The following GLDC variants were observed in gnomAD, a reference collection of about 807,000 sequenced individuals.
GLDC encodes the protein glycine decarboxylase.
Under a neutral mutation model 121.3 loss-of-function variants are expected in GLDC, and 104 were observed. The observed-to-expected ratio is 0.86, with a 90% CI of 0.73 to 1.01. The LOEUF (loss-of-function observed/expected upper bound fraction) is 1.01, where lower values mean the gene tolerates loss of function less well. Among genes scored for constraint, GLDC ranks in the 50% least tolerant of loss-of-function variants. The pLI is 0.00. For missense variants in GLDC, 1,429 were observed against 1,306.6 expected, an observed-to-expected ratio of 1.09 and a Z score of -1.44; for synonymous variants, 546 against 480.6, an observed-to-expected ratio of 1.14 and a Z score of -1.78.
At chr9:6,606,782 TACTG>T in intron 4 of GLDC, 113 bp from the exon 5 acceptor site, 1 of 775,340 alleles carries the variant, frequency 1.3e-6, no homozygotes, top group Non-Finnish European at 2.4e-6. Flanking sequence ...GTATAAAAAA[TACTG>T]AGTAGGCCGG....
rs541121933 is a variant in GLDC at position 6,565,104 on chromosome 9, C to A, written c.1926+250G>T. ...GCTCCCTAGAGAGCAGTTCCACAGC[C>A]AACTGGCTGACGTTTGCATTCTGGG... is the stretch of plus-strand genomic sequence containing the variant. On this transcript the variant is annotated intron_variant, in intron 16 of 24. Coordinates refer to ENST00000321612, the MANE Select transcript of GLDC (RefSeq NM_000170.3). 2.6e-5 allele frequency among the ~76,000 whole-genome samples: 4 copies of A among 152,346 alleles called. No individual in the cohort carries two copies. In the East Asian group the frequency reaches 5.8e-4, roughly 22 times the overall value.
At chr9:6,550,770 C>A (rs759081204) in intron 21 of GLDC, 33 bp downstream of exon 21, 16 of 1,449,654 alleles carry the variant, frequency 1.1e-5, no homozygotes, top group South Asian at 4.6e-5. Context: ...AAGAAAAAAA[C>A]CAAAGTAATG....
At chr9:6,596,190 C>G (rs552608423) in intron 8 of GLDC, among the ~76,000 whole-genome samples, 1 of 152,156 alleles carries the variant, frequency 6.6e-6, no homozygotes. Context: ...AAACAGAAAC[C>G]CAGGCCTGAC....
intron 15 of GLDC, among the ~76,000 whole-genome samples, chr9:6,583,880 C>T (rs1038998237): frequency 6.6e-6 from 1 of 152,006 alleles, no homozygotes; most frequent in Admixed American, 6.6e-5. Context: ...AAAGAGGAAC[C>T]GAAGAGTTAC....
chr9:6,548,716 A>C (rs962234109), intron 21 of GLDC, among the ~76,000 whole-genome samples: 3 of 152,050 alleles, frequency 2.0e-5, no homozygotes, highest in Non-Finnish European at 2.9e-5. Context: ...TGTCTCTCTG[A>C]TCTAAGCTCC....
At chr9:6,613,125 A>C (rs975174761) in intron 3 of GLDC, among the ~76,000 whole-genome samples, 1 of 152,216 alleles carries the variant, frequency 6.6e-6, no homozygotes, top group East Asian at 1.9e-4. Flanking sequence ...GAAACCAGCT[A>C]CCATTCATTA....
intron 3 of GLDC, among the ~76,000 whole-genome samples, chr9:6,616,270 A>C (rs1818965447): frequency 6.6e-6 from 1 of 152,242 alleles, no homozygotes; most frequent in African/African-American, 2.4e-5. Context: ...ATTTATTCAA[A>C]TTAGTTACAT....
intron 3 of GLDC, among the ~76,000 whole-genome samples, chr9:6,612,181 A>G (rs2129923593): frequency 6.8e-6 from 1 of 147,906 alleles, no homozygotes; most frequent in South Asian, 2.1e-4. Context: ...ATACACACAC[A>G]CACACTCACT....
intron 3 of GLDC, among the ~76,000 whole-genome samples, chr9:6,616,619 A>T (rs1290318104): frequency 6.6e-6 from 1 of 152,198 alleles, no homozygotes; most frequent in East Asian, 1.9e-4. Context: ...CAATTAGGTA[A>T]AACATAGTGA....
At chr9:6,624,990 G>GA (rs34197434) in intron 2 of GLDC, among the ~76,000 whole-genome samples, 96 of 143,604 alleles carry the variant, frequency 6.7e-4, no homozygotes, top group Non-Finnish European at 6.9e-4. Context: ...ACTGTCTCCA[G>GA]AAAAAAAAAA....
intron 2 of GLDC, among the ~76,000 whole-genome samples, chr9:6,624,584 G>T (rs919692012): frequency 6.6e-6 from 1 of 152,128 alleles, no homozygotes; most frequent in African/African-American, 2.4e-5. Context: ...AAGCCACCTA[G>T]TTTGTGGTAC....
At chr9:6,639,118 C>CA in intron 2 of GLDC, 2 of 727,052 alleles carry the variant, frequency 2.8e-6, no homozygotes, top group Admixed American at 3.9e-5. Flanking sequence ...GAATTAATGA[C>CA]AAAAACAGAG....
At position 6,633,236 on chromosome 9, in the gene GLDC, C is replaced by T. The variant is rs534346209; in HGVS notation, c.334+11378G>A. Among the ~76,000 whole-genome samples the T allele has an allele frequency of 5.9e-5, 9 of 152,250 alleles. No individual in the cohort carries two copies. In the East Asian group the frequency reaches 1.7e-3, roughly 29 times the overall value. On this transcript the variant is annotated intron_variant, in intron 2 of 24. Transcript: ENST00000321612. ...CCCTGCCTGAAAATATATCCTTCTG[C>T]CTCTGATGACTTCATCTCAGACTGC...
At chr9:6,624,531 T>C (rs1042605785) in intron 2 of GLDC, among the ~76,000 whole-genome samples, 3 of 152,208 alleles carry the variant, frequency 2.0e-5, no homozygotes, top group Non-Finnish European at 4.4e-5. Flanking sequence ...AACATCTTGA[T>C]TTCTGACTAC....
In GLDC at chr9:6,604,597, C is replaced by A. The variant is rs1465066546; in HGVS notation, c.1049G>T (p.Gly350Val). The change falls in exon 7 of 25, where the codon GGG (glycine) becomes GTG (valine). Residue 350 changes from glycine (G) to valine (V), a missense_variant. Transcript: ENST00000321612. ...ACATGAGCCCCTTTACCTTGTTACC[C>A]CCACCATTCTTCCAGGCATCATTCT... ...LVRMMPGRMVGVTRDATGKEV... is the reference protein window; with the variant it reads ...LVRMMPGRMVVVTRDATGKEV... The A allele has an allele frequency of 6.2e-7, 1 of 1,612,002 alleles. No homozygotes were observed. The highest frequency in any genetic ancestry group is 8.5e-7 in the Non-Finnish European group (1 of 1,179,594).
intron 3 of GLDC, among the ~76,000 whole-genome samples, chr9:6,617,356 C>G (rs1261534259): frequency 6.6e-6 from 1 of 152,174 alleles, no homozygotes; most frequent in Non-Finnish European, 1.5e-5. Context: ...AACATCCGCC[C>G]ACAGCCAGAA....
intron 21 of GLDC, among the ~76,000 whole-genome samples, chr9:6,547,167 T>G (rs1405838492): frequency 2.0e-4 from 30 of 151,810 alleles, no homozygotes; most frequent in Non-Finnish European, 1.6e-4. Flanking sequence ...AAATTAAACG[T>G]GAGGAAGTTT....
At chr9:6,565,832 A>T (rs560677653) in intron 15 of GLDC, 8 of 400,320 alleles carry the variant, frequency 2.0e-5, no homozygotes, top group Non-Finnish European at 3.6e-5. Context: ...GTTTCCTATT[A>T]TATTTCTCAC....
intron 8 of GLDC, among the ~76,000 whole-genome samples, chr9:6,600,005 G>A (rs984570226): frequency 6.6e-6 from 1 of 152,148 alleles, no homozygotes; most frequent in Non-Finnish European, 1.5e-5. Flanking sequence ...AAAGCCCTGA[G>A]ACGAAAGAGC....
Sources: gnomAD v4.1 joint callset for allele counts (sites outside exome capture counted in the v4.1 genomes callset) on GRCh38, gnomAD v4.1.1 for gene constraint, MANE v1.5 for transcripts, NCBI Gene and HGNC (gene_info 2026-07-23, HGNC 2026-07-21) for gene names.